The following SPIN3 variants were observed in gnomAD, a reference collection of about 807,000 sequenced individuals.
SPIN3 encodes the protein spindlin family member 3.
For synonymous variants in SPIN3, 74 were observed against 74.3 expected (o/e 1.00, Z 0.02); for missense variants, 176 against 196.4 (o/e 0.90, Z 0.62).
In SPIN3 at chrX:56,991,642, C is replaced by CT. The variant is rs1924340209; in HGVS notation, c.*2528dup. 1.8e-5 allele frequency: 2 copies of CT among 113,022 alleles called. No homozygotes were observed. Among genetic ancestry groups the CT allele is most frequent in the African/African-American group, 6.5e-5 (2 of 30,966 alleles). 9.3% of individuals were successfully genotyped at this position (113,022 alleles called of 1,213,427 possible). A position where few individuals can be genotyped will look rare whatever the true frequency, so the allele number is the denominator to read the frequency against. ...GCCACAATGGTTAATGCTCAAGACTCTGGTCAACAAACAGGGCTGTGGCTG... is the reference window on the plus strand; with the variant it reads ...GCCACAATGGTTAATGCTCAAGACTCTTGGTCAACAAACAGGGCTGTGGCTG... On this transcript the variant is annotated 3_prime_UTR_variant, in exon 2 of 2. Coordinates refer to ENST00000374919, the MANE Select transcript of SPIN3 (RefSeq NM_001010862.3).
chrX:56,986,191 T>C (rs1924217648), downstream of SPIN3, among the ~76,000 whole-genome samples: 1 of 111,427 alleles, frequency 9.0e-6, no homozygotes, highest in African/African-American at 3.3e-5. Context: ...TTAAAGTGCC[T>C]GGAACAAAGT....
downstream of SPIN3, among the ~76,000 whole-genome samples, chrX:56,990,315 A>T (rs1395622176): frequency 9.0e-6 from 1 of 111,612 alleles, no homozygotes. Flanking sequence ...CCCAATTCAA[A>T]CTATGCCTGA....
rs1602742599 is a variant in SPIN3, at chrX:56,992,580, T to C, written c.*1591A>G. The C allele has an allele frequency of 6.7e-6, 2 of 297,243 alleles. No individual in the cohort carries two copies. The highest frequency in any genetic ancestry group is 9.5e-5 in the East Asian group (2 of 21,032). The allele number at this position is 297,243 out of a possible 1,213,427, so 24.5% of individuals were successfully genotyped here. A position where few individuals can be genotyped will look rare whatever the true frequency, so the allele number is the denominator to read the frequency against. On this transcript the variant is annotated 3_prime_UTR_variant, in exon 2 of 2. Transcript: ENST00000374919. ...GTCTGGACTCCATGACCTGTGAACT[T>C]AAACTAATTTGGAAGATATCTTGCA...
Position 56,994,219 on chromosome X carries a change from A to G in SPIN3, c.729T>C (p.Phe243=). 1 of 1,207,927 alleles carries G rather than the reference A, an allele frequency of 8.3e-7. No homozygotes were observed. The highest frequency in any genetic ancestry group is 1.7e-5 in the African/African-American group (1 of 57,629). ...EAKPSVYFIK[F]DDDFHIYVYD... is the part of the protein sequence containing the mutation. The stretch of plus-strand genomic sequence containing the variant: ...AGACATAGATATGGAAATCATCATC[A>G]AATTTGATGAAGTACACAGAGGGTT... Residue 243 remains phenylalanine (F), a synonymous_variant, in exon 2 of 2, where the codon TTT becomes TTC. Transcript: ENST00000374919.
rs962845144 is a variant in SPIN3 at position 56,980,091 on chromosome X, G to A, written c.*205-1431C>T. 3 of 111,718 alleles carry A rather than the reference G, an allele frequency of 2.7e-5. No individual in the cohort carries two copies. The Admixed American group carries it at 2.9e-4, about 11-fold the overall frequency. The allele number at this position is 111,718 out of a possible 1,213,427, so 9.2% of individuals were successfully genotyped here. A position where few individuals can be genotyped will look rare whatever the true frequency, so the allele number is the denominator to read the frequency against. On this transcript the variant is annotated intron_variant and NMD_transcript_variant, in intron 3 of 5. Coordinates refer to the SPIN3 transcript ENST00000475785. ...GATCAGATTCTGGTTCCACCTGACAGACCAATGTAACTATTCGGAAGAGAA... is the reference window on the plus strand; with the variant it reads ...GATCAGATTCTGGTTCCACCTGACAAACCAATGTAACTATTCGGAAGAGAA...
chrX:56,987,429 T>G (rs1197693047), downstream of SPIN3, among the ~76,000 whole-genome samples: 2 of 111,518 alleles, frequency 1.8e-5, no homozygotes, highest in Non-Finnish European at 3.8e-5. Flanking sequence ...GAAAACCTTT[T>G]GCTGAAGTAG....
In SPIN3 at chrX:56,991,887, GACA is replaced by G. The variant is rs1924347590; in HGVS notation, c.*2281_*2283del. 1.1e-5 allele frequency: 3 copies of G among 269,037 alleles called. No homozygotes were observed. The South Asian group carries it at 7.6e-4, about 68-fold the overall frequency. 22.2% of individuals were successfully genotyped at this position (269,037 alleles called of 1,213,427 possible). A position where few individuals can be genotyped will look rare whatever the true frequency, so the allele number is the denominator to read the frequency against. The stretch of plus-strand genomic sequence containing the variant: ...TCCAGCCATATTTCCTGACATAGCT[GACA>G]ACAATTATACAATGACTCCCAAAGA... On this transcript the variant is annotated 3_prime_UTR_variant, in exon 2 of 2. Coordinates refer to ENST00000374919, the MANE Select transcript of SPIN3 (RefSeq NM_001010862.3).
intron 3 of SPIN3, chrX:56,979,069 G>A (rs1213014935): frequency 1.8e-5 from 2 of 111,743 alleles, no homozygotes; most frequent in Admixed American, 1.9e-4. Context: ...AAAGGCCATT[G>A]TAGATTACAG....
intron 3 of SPIN3, chrX:56,979,408 C>T (rs1256441680): frequency 1.8e-5 from 2 of 111,433 alleles, no homozygotes; most frequent in African/African-American, 6.5e-5. Context: ...TGAAGCATCA[C>T]CAGTTTGCCA....
At chrX:56,983,339 G>T (rs1441833297) in intron 3 of SPIN3, among the ~76,000 whole-genome samples, 1 of 111,640 alleles carries the variant, frequency 9.0e-6, no homozygotes, top group Non-Finnish European at 1.9e-5. Flanking sequence ...GGGGAAAAAG[G>T]AGAGTGAGAG....
intron 3 of SPIN3, chrX:56,982,233 G>T (rs1359681165): frequency 9.0e-6 from 1 of 111,195 alleles, no homozygotes; most frequent in Non-Finnish European, 1.9e-5. Flanking sequence ...TCCAGGTCAG[G>T]CTTGAGCTAT....
chrX:56,987,946 C>T (rs1924256628), downstream of SPIN3, among the ~76,000 whole-genome samples: 1 of 111,958 alleles, frequency 8.9e-6, no homozygotes, highest in South Asian at 3.7e-4. Context: ...TATTAAGCAT[C>T]TGTGCTGCAC....
downstream of SPIN3, among the ~76,000 whole-genome samples, chrX:56,987,506 T>C (rs949569506): frequency 1.3e-4 from 14 of 111,696 alleles, no homozygotes; most frequent in Non-Finnish European, 2.3e-4. Flanking sequence ...CTTATCACTC[T>C]CTGAAATTAT....
At chrX:56,986,242 T>C (rs983554683), downstream of SPIN3, among the ~76,000 whole-genome samples, 9 of 111,262 alleles carry the variant, frequency 8.1e-5, no homozygotes, top group African/African-American at 2.9e-4. Flanking sequence ...ATGAATTAAG[T>C]AGATTTAACA....
At chrX:56,983,353 A>G (rs1309234162) in intron 3 of SPIN3, among the ~76,000 whole-genome samples, 21 of 111,644 alleles carry the variant, frequency 1.9e-4, no homozygotes, top group Non-Finnish European at 3.6e-4. Flanking sequence ...GTGAGAGACA[A>G]GGAATAAGAG....
At chrX:56,990,523 C>A (rs991285559), downstream of SPIN3, among the ~76,000 whole-genome samples, 9 of 112,076 alleles carry the variant, frequency 8.0e-5, no homozygotes, top group Middle Eastern at 4.6e-3. Flanking sequence ...TTGTTCATTT[C>A]ATTTCTGGTT....
Position 56,994,969 on chromosome X carries a change from T to G in SPIN3, c.-2-20A>C. The G allele has an allele frequency of 4.3e-6, 5 of 1,153,484 alleles. No homozygotes were observed. The South Asian group carries it at 1.0e-4, about 23-fold the overall frequency. On this transcript the variant is annotated intron_variant, in intron 1 of 1. Coordinates refer to ENST00000374919, the MANE Select transcript of SPIN3 (RefSeq NM_001010862.3). ...TCATGCCTGCGAAGAGGAGCACAGT[T>G]GCCAGGTGGACCGAGAAAGGAAATT... is the stretch of plus-strand genomic sequence containing the variant.
downstream of SPIN3, chrX:56,975,635 T>C (rs936552320): frequency 1.8e-5 from 2 of 111,369 alleles, no homozygotes; most frequent in Admixed American, 9.6e-5. Context: ...ATTCAGATGG[T>C]TGGGGGGGCC....
intron 2 of SPIN3, among the ~76,000 whole-genome samples, chrX:56,985,163 TCTAA>T (rs1024369913): frequency 1.8e-5 from 2 of 112,326 alleles, no homozygotes; most frequent in African/African-American, 6.5e-5. Context: ...ACTGCAATAC[TCTAA>T]CTAGTTTCCC....
Sources: allele counts gnomAD v4.1 joint callset (sites outside exome capture counted in the v4.1 genomes callset), GRCh38; gene constraint gnomAD v4.1.1; transcripts MANE v1.5; gene names NCBI Gene and HGNC (gene_info 2026-07-23, HGNC 2026-07-21).